KCNH5: variants seen among roughly 807,000 people sequenced by gnomAD.
The protein encoded by KCNH5 is voltage-gated delayed rectifier potassium channel KCNH5.
Under a neutral mutation model 96.1 loss-of-function variants are expected in KCNH5, and 46 were observed. The ratio of observed to expected loss-of-function variants is 0.48; its 90% confidence interval spans 0.38 to 0.61. The LOEUF is 0.61. Ranked by LOEUF, KCNH5 falls within the 20% of genes least tolerant of loss-of-function variation. The pLI, the probability that KCNH5 is intolerant of heterozygous loss-of-function variation, is 0.00. For missense variants in KCNH5, 907 were observed against 1,225.8 expected, an observed-to-expected ratio of 0.74 and a Z score of 3.88; for synonymous variants, 439 against 449.8, an observed-to-expected ratio of 0.98 and a Z score of 0.30.
At chr14:62,845,993 T>G (rs930986311) in intron 8 of KCNH5, among the ~76,000 whole-genome samples, 1 of 152,132 alleles carries the variant, frequency 6.6e-6, no homozygotes, top group African/African-American at 2.4e-5. Context: ...TTTAAAATAT[T>G]ATCTTATTCA....
chr14:63,026,331 T>TA (rs1337278798), intron 1 of KCNH5, among the ~76,000 whole-genome samples: 3 of 151,918 alleles, frequency 2.0e-5, no homozygotes. Flanking sequence ...CTGACTTCAA[T>TA]AGCACAGGTA....
intron 2 of KCNH5, among the ~76,000 whole-genome samples, chr14:63,013,763 A>G (rs988566146): frequency 6.6e-6 from 1 of 152,046 alleles, no homozygotes; most frequent in Non-Finnish European, 1.5e-5. Flanking sequence ...TTTACTTGAT[A>G]ATATGTTGTT....
chr14:62,744,625 T>C (rs560439497), intron 10 of KCNH5, among the ~76,000 whole-genome samples: 1 of 152,310 alleles, frequency 6.6e-6, no homozygotes, highest in Non-Finnish European at 1.5e-5. Flanking sequence ...ATCTTGAGCA[T>C]GAATTACGAA....
intron 9 of KCNH5, among the ~76,000 whole-genome samples, chr14:62,794,040 A>T (rs1886489028): frequency 6.6e-6 from 1 of 151,916 alleles, no homozygotes; most frequent in South Asian, 2.1e-4. Flanking sequence ...TGTTCTAAGA[A>T]CTCATGACAT....
At chr14:62,854,004 C>CAA (rs548263620) in intron 7 of KCNH5, among the ~76,000 whole-genome samples, 1,759 of 84,092 alleles carry the variant, frequency 0.021, 62 homozygotes, top group African/African-American at 0.072. Context: ...GAGACTCTGT[C>CAA]AAAAAAAAAA....
intron 10 of KCNH5, among the ~76,000 whole-genome samples, chr14:62,710,629 C>G (rs1884547156): frequency 6.6e-6 from 1 of 152,086 alleles, no homozygotes; most frequent in South Asian, 2.1e-4. Flanking sequence ...CACCACTTAC[C>G]CTTTTTATTT....
intron 10 of KCNH5, among the ~76,000 whole-genome samples, chr14:62,747,478 T>C (rs1448255503): frequency 6.6e-6 from 1 of 152,248 alleles, no homozygotes; most frequent in African/African-American, 2.4e-5. Flanking sequence ...ATTTGTATAA[T>C]AACTCTATTT....
chr14:62,961,301 A>T (rs965635560), intron 6 of KCNH5, among the ~76,000 whole-genome samples: 2 of 152,108 alleles, frequency 1.3e-5, no homozygotes, highest in African/African-American at 2.4e-5. Flanking sequence ...CTACCTTAAA[A>T]ATATATTCTT....
At chr14:62,713,397 G>C (rs1005101207) in intron 10 of KCNH5, among the ~76,000 whole-genome samples, 9 of 152,118 alleles carry the variant, frequency 5.9e-5, no homozygotes, top group Admixed American at 1.3e-4. Context: ...ATGCATACTG[G>C]GTAGACTCAG....
chr14:62,869,150 C>A (rs1888198580), intron 7 of KCNH5, among the ~76,000 whole-genome samples: 2 of 152,336 alleles, frequency 1.3e-5, no homozygotes, highest in South Asian at 4.1e-4. Context: ...TACACTCCCA[C>A]CAACAGTGTA....
At chr14:62,771,427 C>A (rs1472960934) in intron 10 of KCNH5, among the ~76,000 whole-genome samples, 1 of 152,100 alleles carries the variant, frequency 6.6e-6, no homozygotes, top group Non-Finnish European at 1.5e-5. Flanking sequence ...GAGATCAAGA[C>A]TATCCTGGCT....
intron 1 of KCNH5, among the ~76,000 whole-genome samples, chr14:63,020,513 C>G (rs964113905): frequency 6.6e-6 from 1 of 151,990 alleles, no homozygotes; most frequent in Non-Finnish European, 1.5e-5. Context: ...AACAATATGA[C>G]TCAAAAACAT....
At chr14:63,023,902 G>A (rs1309862315) in intron 1 of KCNH5, among the ~76,000 whole-genome samples, 3 of 152,086 alleles carry the variant, frequency 2.0e-5, no homozygotes, top group Admixed American at 6.6e-5. Flanking sequence ...AAATTTGAAA[G>A]GGAAATTTAA....
chr14:62,884,240 C>T (rs1336077228), intron 7 of KCNH5, among the ~76,000 whole-genome samples: 2 of 152,120 alleles, frequency 1.3e-5, no homozygotes, highest in Non-Finnish European at 2.9e-5. Flanking sequence ...GGATATAGCC[C>T]ATATTTGAAA....
Position 62,980,856 on chromosome 14 carries a change from A to G in KCNH5, c.942+16T>C, listed in dbSNP as rs1371373848. 3.1e-6 allele frequency: 5 copies of G among 1,611,436 alleles called. No homozygotes were observed. In the Admixed American group the frequency reaches 6.7e-5, roughly 22 times the overall value. Reference sequence around the variant, plus strand: ...TATGACCCACAGTACTCAGAAAACCAAAACGAAAAACTTACCTCATCCACA... The same window carrying G: ...TATGACCCACAGTACTCAGAAAACCGAAACGAAAAACTTACCTCATCCACA... On this transcript the variant is annotated intron_variant, in intron 6 of 10. Transcript: ENST00000322893.
chr14:62,841,827 G>C (rs972755984), intron 8 of KCNH5, among the ~76,000 whole-genome samples: 4 of 152,182 alleles, frequency 2.6e-5, no homozygotes, highest in Non-Finnish European at 4.4e-5. Context: ...ATACAGATGT[G>C]AACACAAAAG....
chr14:62,709,464 C>T (rs1884523783), intron 10 of KCNH5, among the ~76,000 whole-genome samples: 1 of 152,052 alleles, frequency 6.6e-6, no homozygotes, highest in Non-Finnish European at 1.5e-5. Context: ...TTGCAAACTG[C>T]TCTCTATTGA....
chr14:62,934,720 A>C (rs1566713623), intron 7 of KCNH5, among the ~76,000 whole-genome samples: 1 of 152,186 alleles, frequency 6.6e-6, no homozygotes, highest in Non-Finnish European at 1.5e-5. Context: ...GACTTTTTTA[A>C]AGCCCATAGC....
chr14:62,870,454 T>A (rs1269883581), intron 7 of KCNH5, among the ~76,000 whole-genome samples: 1 of 152,214 alleles, frequency 6.6e-6, no homozygotes, highest in Non-Finnish European at 1.5e-5. Context: ...TCCAAAGTAG[T>A]CATGTCCTAA....
Sources: gnomAD v4.1 joint callset for allele counts (sites outside exome capture counted in the v4.1 genomes callset) on GRCh38, gnomAD v4.1.1 for gene constraint, MANE v1.5 for transcripts, NCBI Gene and HGNC (gene_info 2026-07-23, HGNC 2026-07-21) for gene names.